The following SSBP3 variants were observed in gnomAD, a reference collection of about 807,000 sequenced individuals.
SSBP3 encodes single stranded DNA binding protein 3.
A neutral mutation model predicts 69.6 loss-of-function variants in SSBP3; 5 were observed. The ratio of observed to expected loss-of-function variants is 0.07; its 90% CI spans 0.04 to 0.15. The LOEUF (loss-of-function observed/expected upper bound fraction) is 0.15, where lower values mean the gene tolerates loss of function less well. Among genes scored for constraint, SSBP3 ranks in the 10% least tolerant of loss-of-function variants. SSBP3 has a pLI of 1.00. For synonymous variants in SSBP3, 196 were observed against 193.4 expected (o/e 1.01, Z -0.11); for missense variants, 312 against 534.0 (o/e 0.58, Z 4.10).
intron 4 of SSBP3, among the ~76,000 whole-genome samples, chr1:54,389,619 G>A (rs213489): frequency 0.46 from 70,015 of 151,978 alleles, 16,956 homozygotes; most frequent in African/African-American, 0.61. Flanking sequence ...AGCACTTTGG[G>A]AGGCCGAGGC....
Position 54,383,300 on chromosome 1 carries a change from C to A in SSBP3, c.276+18561G>T, listed in dbSNP as rs184952393. On this transcript the variant is annotated intron_variant, in intron 4 of 17. Transcript: ENST00000610401. ...GGCTGAGGCAGGAGAATTTCTTGAA[C>A]CCGGCAGGCGGAGGTTGTAGTGAGC... is the stretch of plus-strand genomic sequence containing the variant. Among the ~76,000 whole-genome samples, 581 of 152,056 alleles carry A rather than the reference C, an allele frequency of 3.8e-3. 4 individuals are homozygous for A. The highest frequency in any genetic ancestry group is 0.013 in the African/African-American group (551 of 41,488).
chr1:54,352,347 G>C (rs532409022), intron 4 of SSBP3, among the ~76,000 whole-genome samples: 4 of 152,328 alleles, frequency 2.6e-5, no homozygotes, highest in African/African-American at 9.6e-5. Flanking sequence ...ATCCTACTAA[G>C]TGGCAATCTC....
At chr1:54,291,143 C>T (rs1402461304) in intron 4 of SSBP3, among the ~76,000 whole-genome samples, 2 of 142,068 alleles carry the variant, frequency 1.4e-5, no homozygotes, top group African/African-American at 2.6e-5. Context: ...AGAAAACCAC[C>T]CGCTTCTAGA....
At chr1:54,238,783 C>T (rs1644547971) in intron 14 of SSBP3, 1 of 286,222 alleles carries the variant, frequency 3.5e-6, no homozygotes, top group Non-Finnish European at 6.5e-6. Context: ...AGAGGGATTG[C>T]CCGGGCCACA....
At chr1:54,250,575 A>C (rs1644810750) in intron 9 of SSBP3, among the ~76,000 whole-genome samples, 1 of 152,168 alleles carries the variant, frequency 6.6e-6, no homozygotes, top group African/African-American at 2.4e-5. Flanking sequence ...CAGGGGACCC[A>C]GAAACCAGTG....
At chr1:54,394,028 G>C (rs1380683931) in intron 4 of SSBP3, among the ~76,000 whole-genome samples, 1 of 152,252 alleles carries the variant, frequency 6.6e-6, no homozygotes, top group East Asian at 1.9e-4. Context: ...CCAAAGTGTT[G>C]GGATTACAGG....
At chr1:54,306,278 G>T (rs949567562) in intron 4 of SSBP3, among the ~76,000 whole-genome samples, 1 of 152,154 alleles carries the variant, frequency 6.6e-6, no homozygotes, top group African/African-American at 2.4e-5. Flanking sequence ...ATATGATAAC[G>T]CACAGCTTGG....
At chr1:54,350,815 A>G (rs563302694) in intron 4 of SSBP3, among the ~76,000 whole-genome samples, 2 of 152,260 alleles carry the variant, frequency 1.3e-5, no homozygotes, top group East Asian at 3.9e-4. Context: ...CTGGACACAG[A>G]AATAGAACCC....
At chr1:54,399,641 G>A (rs138637268) in intron 4 of SSBP3, among the ~76,000 whole-genome samples, 1 of 152,092 alleles carries the variant, frequency 6.6e-6, no homozygotes, top group African/African-American at 2.4e-5. Flanking sequence ...ATGGGTAAGA[G>A]AGGAATGCAT....
At chr1:54,358,390 A>T (rs1331687535) in intron 4 of SSBP3, among the ~76,000 whole-genome samples, 1 of 152,204 alleles carries the variant, frequency 6.6e-6, no homozygotes, top group Non-Finnish European at 1.5e-5. Context: ...GGAGGCCAGG[A>T]GGGCAAGGGC....
At chr1:54,292,425 C>T (rs535359716) in intron 4 of SSBP3, among the ~76,000 whole-genome samples, 1 of 152,122 alleles carries the variant, frequency 6.6e-6, no homozygotes, top group Non-Finnish European at 1.5e-5. Context: ...GGTGGGTGAG[C>T]CCCCAAGCTA....
At position 54,245,063 on chromosome 1, in the gene SSBP3, A is replaced by C. The variant is rs545488344; in HGVS notation, c.652-1764T>G. Among the ~76,000 whole-genome samples the C allele has an allele frequency of 3.0e-4, 46 of 152,354 alleles. No individual in the cohort carries two copies. In the East Asian group the frequency reaches 8.7e-3, roughly 29 times the overall value. On this transcript the variant is annotated intron_variant, in intron 9 of 17. Transcript: ENST00000610401. ...CGCTGGCACTGAAGCAATCAATGAA[A>C]GACCGAAGAAGGGAATGCATGAAGA...
chr1:54,410,354 G>A (rs1461036603), upstream of SSBP3, among the ~76,000 whole-genome samples: 1 of 152,196 alleles, frequency 6.6e-6, no homozygotes, highest in East Asian at 1.9e-4. Context: ...AAAGGAAAAG[G>A]GACTTTAGGC....
Position 54,273,309 on chromosome 1 carries a change from T to C in SSBP3, c.366+8129A>G, listed in dbSNP as rs548573464. Among the ~76,000 whole-genome samples, 3 of 152,230 alleles carry C rather than the reference T, an allele frequency of 2.0e-5. No homozygotes were observed. In the South Asian group the frequency reaches 6.2e-4, roughly 32 times the overall value. Reference sequence around the variant, plus strand: ...CGGCTCAAGTGTGCAGACACAAACATATCCACATGCGTGCACACAGGCATG... The same window carrying C: ...CGGCTCAAGTGTGCAGACACAAACACATCCACATGCGTGCACACAGGCATG... On this transcript the variant is annotated intron_variant, in intron 5 of 17. Transcript: ENST00000610401.
chr1:54,236,487 T>G (rs966799561), intron 14 of SSBP3: 6 of 152,110 alleles, frequency 3.9e-5, no homozygotes, highest in African/African-American at 1.4e-4. Context: ...GTTACCCAGG[T>G]TGGTCTTGAA....
At chr1:54,390,533 C>T (rs763432497) in intron 4 of SSBP3, among the ~76,000 whole-genome samples, 29 of 152,224 alleles carry the variant, frequency 1.9e-4, no homozygotes, top group African/African-American at 6.8e-4. Flanking sequence ...ATCAAGTTTT[C>T]TGCAATTCCC....
At chr1:54,303,678 C>G (rs1645845103) in intron 4 of SSBP3, among the ~76,000 whole-genome samples, 1 of 152,134 alleles carries the variant, frequency 6.6e-6, no homozygotes. Flanking sequence ...GCATGGAAGC[C>G]CTAGCCACAA....
chr1:54,327,269 G>A (rs1402013361), intron 4 of SSBP3, among the ~76,000 whole-genome samples: 197 of 142,788 alleles, frequency 1.4e-3, no homozygotes, highest in African/African-American at 4.5e-3. Context: ...AGGAAGGAAG[G>A]AAAACAACAA....
At chr1:54,228,898 G>A (rs1644334261) in intron 14 of SSBP3, 72 bp from the exon 15 acceptor site, 37 of 1,491,330 alleles carry the variant, frequency 2.5e-5, no homozygotes, top group Non-Finnish European at 3.2e-5. Context: ...GCAGGGGGCT[G>A]CAGCCACGCT....
Sources: gnomAD v4.1 joint callset for allele counts (sites outside exome capture counted in the v4.1 genomes callset) on GRCh38, gnomAD v4.1.1 for gene constraint, MANE v1.5 for transcripts, NCBI Gene and HGNC (gene_info 2026-07-23, HGNC 2026-07-21) for gene names.